The following FHIT variants were observed in gnomAD, a reference collection of about 807,000 sequenced individuals.
The protein encoded by FHIT is bis(5'-adenosyl)-triphosphatase.
FHIT carries 19 observed loss-of-function variants against 17.9 expected under a neutral mutation model. The ratio of observed to expected loss-of-function variants is 1.06; its 90% CI spans 0.74 to 1.56. The LOEUF is 1.56. Among genes scored for constraint, FHIT ranks in the 40% most tolerant of loss-of-function variants. FHIT has a pLI of 0.00. For missense variants in FHIT, 248 were observed against 189.2 expected (o/e 1.31, Z -1.82); for synonymous variants, 81 against 69.7 (o/e 1.16, Z -0.81).
At chr3:60,467,623 T>C (rs914209050) in intron 5 of FHIT, among the ~76,000 whole-genome samples, 19 of 152,118 alleles carry the variant, frequency 1.2e-4, no homozygotes, top group Non-Finnish European at 2.8e-4. Context: ...TGTGTTTGTA[T>C]AATTTCCAAA....
intron 4 of FHIT, among the ~76,000 whole-genome samples, chr3:60,611,521 C>G (rs140455928): frequency 2.0e-5 from 3 of 152,152 alleles, no homozygotes; most frequent in African/African-American, 7.2e-5. Context: ...AGGGAAGGCC[C>G]CTTAGTCCAA....
chr3:61,053,484 C>T (rs188879122), intron 2 of FHIT, among the ~76,000 whole-genome samples: 1,875 of 152,016 alleles, frequency 0.012, 17 homozygotes, highest in Non-Finnish European at 0.017. Context: ...CATGGAGAAA[C>T]CCCATCTCTA....
At chr3:60,692,443 A>T (rs2041014277) in intron 4 of FHIT, among the ~76,000 whole-genome samples, 1 of 152,210 alleles carries the variant, frequency 6.6e-6, no homozygotes, top group Non-Finnish European at 1.5e-5. Context: ...GGGTGGGACC[A>T]ATGTAATCAC....
chr3:60,941,059 T>C (rs188298299), intron 3 of FHIT, among the ~76,000 whole-genome samples: 17 of 152,324 alleles, frequency 1.1e-4, no homozygotes, highest in Admixed American at 1.0e-3. Flanking sequence ...TCCACAACCT[T>C]ATTTCAATAT....
intron 3 of FHIT, among the ~76,000 whole-genome samples, chr3:60,874,016 C>A (rs1253468985): frequency 6.6e-6 from 1 of 152,144 alleles, no homozygotes; most frequent in Non-Finnish European, 1.5e-5. Flanking sequence ...CTCTCCCCAA[C>A]TACACCAGAT....
At chr3:60,225,388 A>AT (rs964169488) in intron 5 of FHIT, among the ~76,000 whole-genome samples, 2 of 152,198 alleles carry the variant, frequency 1.3e-5, no homozygotes, top group African/African-American at 4.8e-5. Flanking sequence ...ATGATACACC[A>AT]AGTGCTGGAG....
intron 4 of FHIT, among the ~76,000 whole-genome samples, chr3:60,682,513 G>T (rs1361928136): frequency 6.6e-6 from 1 of 152,178 alleles, no homozygotes; most frequent in Non-Finnish European, 1.5e-5. Context: ...TCTCTGAAAA[G>T]AAACAGGAAA....
At chr3:60,917,849 G>A (rs575938769) in intron 3 of FHIT, among the ~76,000 whole-genome samples, 9 of 152,272 alleles carry the variant, frequency 5.9e-5, no homozygotes, top group African/African-American at 1.9e-4. Context: ...CTACTAGAAT[G>A]TAACTTCAAT....
intron 8 of FHIT, among the ~76,000 whole-genome samples, chr3:59,901,232 G>C (rs1704315633): frequency 6.6e-6 from 1 of 152,172 alleles, no homozygotes; most frequent in Non-Finnish European, 1.5e-5. Context: ...GAGTGGAAAA[G>C]GTATTTGGAA....
intron 3 of FHIT, among the ~76,000 whole-genome samples, chr3:60,902,806 A>C (rs1706191795): frequency 6.6e-6 from 1 of 152,190 alleles, no homozygotes; most frequent in Non-Finnish European, 1.5e-5. Flanking sequence ...ACATGAACCT[A>C]TAAAATTCCT....
At chr3:60,887,116 C>A (rs1705261008) in intron 3 of FHIT, among the ~76,000 whole-genome samples, 1 of 152,150 alleles carries the variant, frequency 6.6e-6, no homozygotes, top group African/African-American at 2.4e-5. Flanking sequence ...TGGTATTCTT[C>A]CTTTTGCAAC....
chr3:60,069,315 A>G (rs1325171711), intron 5 of FHIT, among the ~76,000 whole-genome samples: 1 of 152,252 alleles, frequency 6.6e-6, no homozygotes, highest in African/African-American at 2.4e-5. Flanking sequence ...AAAAATATCC[A>G]AATAGTTCAA....
chr3:59,859,509 G>C (rs921580925), intron 8 of FHIT, among the ~76,000 whole-genome samples: 2 of 152,214 alleles, frequency 1.3e-5, no homozygotes, highest in African/African-American at 4.8e-5. Flanking sequence ...CCTGAGGTTA[G>C]GAGTTCAAGC....
At chr3:60,356,780 A>AAT (rs1699683275) in intron 5 of FHIT, among the ~76,000 whole-genome samples, 1 of 135,558 alleles carries the variant, frequency 7.4e-6, no homozygotes, top group Non-Finnish European at 1.5e-5. Flanking sequence ...AAAAAAAAAA[A>AAT]CGGAAGAAAG....
chr3:60,396,154 G>C (rs1701431523), intron 5 of FHIT, among the ~76,000 whole-genome samples: 1 of 152,050 alleles, frequency 6.6e-6, no homozygotes, highest in African/African-American at 2.4e-5. Flanking sequence ...CCTACTGTCT[G>C]GCCCTCTTGT....
At chr3:60,870,642 T>C (rs1408432634) in intron 3 of FHIT, among the ~76,000 whole-genome samples, 2 of 152,132 alleles carry the variant, frequency 1.3e-5, no homozygotes, top group Non-Finnish European at 2.9e-5. Flanking sequence ...TTCCTTTTGT[T>C]CTCTTCTCTT....
chr3:59,893,840 G>C (rs1392715803), intron 8 of FHIT, among the ~76,000 whole-genome samples: 2 of 152,174 alleles, frequency 1.3e-5, no homozygotes, highest in East Asian at 3.9e-4. Flanking sequence ...GGTATTGATG[G>C]GCAAAGAGTT....
chr3:59,858,236 C>CTTT (rs563841299), intron 8 of FHIT, among the ~76,000 whole-genome samples: 2,113 of 84,388 alleles, frequency 0.025, 1 homozygote, highest in Non-Finnish European at 0.033. Flanking sequence ...TTCCCACCTT[C>CTTT]TTTTTTTTTT....
At chr3:60,011,535 G>A in intron 6 of FHIT, 135 bp from the exon 7 acceptor site, 4 of 760,388 alleles carry the variant, frequency 5.3e-6, no homozygotes, top group Non-Finnish European at 6.8e-6. Context: ...GGGGACCATT[G>A]GCTTCAAATG....
Sources: gnomAD v4.1 joint callset for allele counts (sites outside exome capture counted in the v4.1 genomes callset) on GRCh38, gnomAD v4.1.1 for gene constraint, MANE v1.5 for transcripts, NCBI Gene and HGNC (gene_info 2026-07-23, HGNC 2026-07-21) for gene names.